GRIP1: variants seen among roughly 807,000 people sequenced by gnomAD.
GRIP1 encodes glutamate receptor-interacting protein 1.
Under a neutral mutation model 129.9 loss-of-function variants are expected in GRIP1, and 45 were observed. That is an observed-to-expected ratio of 0.35 (90% confidence interval 0.27 to 0.44). The LOEUF is 0.44. GRIP1 is among the 20% of genes least tolerant of loss of function. GRIP1 has a pLI of 1.00. For synonymous variants in GRIP1, 530 were observed against 520.8 expected (o/e 1.02, Z -0.24); for missense variants, 1,196 against 1,396.8 (o/e 0.86, Z 2.29).
Position 66,714,431 on chromosome 12 carries a change from A to G in GRIP1, c.-419-84095T>C, listed in dbSNP as rs2035805300. 2.0e-5 allele frequency among the ~76,000 whole-genome samples: 3 copies of G among 152,176 alleles called. No individual in the cohort carries two copies. The South Asian group carries it at 6.2e-4, about 31-fold the overall frequency. On this transcript the variant is annotated intron_variant, in intron 1 of 4. Coordinates refer to the GRIP1 transcript ENST00000538373. ...ATAATGATCAATGTCGTTGCCAGAT[A>G]TGTCTTTTAAGTCTTTCACTTTCTA...
intron 1 of GRIP1, among the ~76,000 whole-genome samples, chr12:67,054,026 C>T (rs2043391337): frequency 1.3e-5 from 2 of 152,102 alleles, no homozygotes; most frequent in Admixed American, 6.6e-5. Flanking sequence ...CGGCCATCTA[C>T]CTATTTGTGG....
intron 16 of GRIP1, among the ~76,000 whole-genome samples, chr12:66,396,169 G>A (rs2056780095): frequency 6.6e-6 from 1 of 152,236 alleles, no homozygotes; most frequent in African/African-American, 2.4e-5. Flanking sequence ...CAGTGGAGGT[G>A]TGTATGCCAT....
At chr12:66,968,707 T>C (rs1246943817) in intron 1 of GRIP1, among the ~76,000 whole-genome samples, 3 of 152,288 alleles carry the variant, frequency 2.0e-5, no homozygotes, top group South Asian at 4.1e-4. Flanking sequence ...ATGCTATAAT[T>C]ATCTAATACA....
rs2054026485 is a variant in GRIP1, at chr12:66,347,606, A to C, written c.*1413T>G. Reference sequence around the variant, plus strand: ...TTTGTACAAAAATACTTTACAGTTTAATACTTGTTTGTTACAAATAAAAAT... The same window carrying C: ...TTTGTACAAAAATACTTTACAGTTTCATACTTGTTTGTTACAAATAAAAAT... On this transcript the variant is annotated 3_prime_UTR_variant, in exon 25 of 25. Coordinates refer to ENST00000359742, the MANE Select transcript of GRIP1 (RefSeq NM_001366722.1). 6.6e-6 allele frequency: 1 copy of C among 152,226 alleles called. No individual in the cohort carries two copies. Among genetic ancestry groups the C allele is most frequent in the South Asian group, 2.1e-4 (1 of 4,830 alleles). The allele number at this position is 152,226 out of a possible 1,614,324, so 9.4% of individuals were successfully genotyped here.
chr12:66,477,615 C>A (rs2059658866), intron 7 of GRIP1, among the ~76,000 whole-genome samples: 1 of 152,200 alleles, frequency 6.6e-6, no homozygotes, highest in Non-Finnish European at 1.5e-5. Flanking sequence ...ATCACGCTAT[C>A]TGACTTCAAA....
intron 1 of GRIP1, among the ~76,000 whole-genome samples, chr12:66,731,366 T>C (rs1204607521): frequency 1.3e-5 from 2 of 152,166 alleles, no homozygotes; most frequent in Non-Finnish European, 2.9e-5. Flanking sequence ...ACATTTGACT[T>C]TTTACATGTC....
At chr12:66,513,018 T>G (rs1381903802) in intron 7 of GRIP1, among the ~76,000 whole-genome samples, 1 of 152,144 alleles carries the variant, frequency 6.6e-6, no homozygotes, top group Non-Finnish European at 1.5e-5. Context: ...ATAGAATTTA[T>G]TTTTGGGTGT....
chr12:66,638,727 G>A (rs2031641868), intron 1 of GRIP1, among the ~76,000 whole-genome samples: 2 of 152,168 alleles, frequency 1.3e-5, no homozygotes, highest in South Asian at 4.1e-4. Flanking sequence ...TCTAAGGTGA[G>A]TGTTGGGATC....
intron 1 of GRIP1, among the ~76,000 whole-genome samples, chr12:66,907,580 A>G (rs2040955090): frequency 6.6e-6 from 1 of 152,138 alleles, no homozygotes; most frequent in Non-Finnish European, 1.5e-5. Context: ...AGTGTCAGGT[A>G]AAAGGAGGAG....
At chr12:66,377,663 A>G (rs1038706968) in intron 20 of GRIP1, among the ~76,000 whole-genome samples, 4 of 126,606 alleles carry the variant, frequency 3.2e-5, no homozygotes, top group Non-Finnish European at 6.2e-5. Context: ...TTTTGGATTC[A>G]GAATATCTCT....
intron 1 of GRIP1, among the ~76,000 whole-genome samples, chr12:66,938,306 G>A (rs1308773019): frequency 6.6e-6 from 1 of 152,030 alleles, no homozygotes; most frequent in African/African-American, 2.4e-5. Context: ...AACCCGGGAG[G>A]TGAGGTCACA....
At chr12:66,752,789 T>C (rs370033629) in intron 1 of GRIP1, among the ~76,000 whole-genome samples, 1 of 152,104 alleles carries the variant, frequency 6.6e-6, no homozygotes, top group Non-Finnish European at 1.5e-5. Flanking sequence ...TAGGGAAATA[T>C]ATAAAGCATT....
chr12:66,644,814 G>A (rs1404294770), intron 1 of GRIP1, among the ~76,000 whole-genome samples: 1 of 152,088 alleles, frequency 6.6e-6, no homozygotes, highest in Admixed American at 6.5e-5. Context: ...TGCATATCAA[G>A]CACAGCATAC....
Position 66,672,521 on chromosome 12 carries a change from CAAAT to C in GRIP1, c.55+6325_55+6328del, listed in dbSNP as rs2034130027. On this transcript the variant is annotated intron_variant, in intron 1 of 24. Coordinates refer to ENST00000359742, the MANE Select transcript of GRIP1 (RefSeq NM_001366722.1). ...TTTTTGGATATATGCGATACTGAAACAAATAATTATTTTAAAAATCTGCAAATAA... is the reference window on the plus strand; with the variant it reads ...TTTTTGGATATATGCGATACTGAAACAATTATTTTAAAAATCTGCAAATAA... 3.3e-5 allele frequency among the ~76,000 whole-genome samples: 5 copies of C among 151,536 alleles called. No homozygotes were observed. In the South Asian group the frequency reaches 1.0e-3, roughly 31 times the overall value.
chr12:66,631,444 T>C (rs1042781583), intron 1 of GRIP1, among the ~76,000 whole-genome samples: 1 of 152,104 alleles, frequency 6.6e-6, no homozygotes, highest in Non-Finnish European at 1.5e-5. Context: ...ATCTTAAAGG[T>C]GATATTCAAA....
chr12:66,884,861 T>C (rs1056109119), intron 1 of GRIP1, among the ~76,000 whole-genome samples: 3 of 152,154 alleles, frequency 2.0e-5, no homozygotes, highest in Admixed American at 2.0e-4. Context: ...AATTCTCCAC[T>C]CTTTGAAGCT....
chr12:66,901,585 T>C (rs1372459842), intron 1 of GRIP1, among the ~76,000 whole-genome samples: 2 of 152,234 alleles, frequency 1.3e-5, no homozygotes, highest in Non-Finnish European at 2.9e-5. Flanking sequence ...TGATGAAGAA[T>C]AAAAGCCCTT....
At chr12:66,684,872 C>A (rs746492504) in intron 1 of GRIP1, among the ~76,000 whole-genome samples, 1 of 151,900 alleles carries the variant, frequency 6.6e-6, no homozygotes, top group Non-Finnish European at 1.5e-5. Context: ...TGGAACAAAA[C>A]GAAACGAAAC....
chr12:66,975,648 C>T (rs1218589455), intron 1 of GRIP1, among the ~76,000 whole-genome samples: 1 of 152,092 alleles, frequency 6.6e-6, no homozygotes, highest in Non-Finnish European at 1.5e-5. Flanking sequence ...GTCAGAAAGT[C>T]AATTACTAAA....
Sources: allele counts gnomAD v4.1 joint callset (sites outside exome capture counted in the v4.1 genomes callset), GRCh38; gene constraint gnomAD v4.1.1; transcripts MANE v1.5; gene names NCBI Gene and HGNC (gene_info 2026-07-23, HGNC 2026-07-21).